Variants in PPP3CA observed in about 807,000 individuals in gnomAD.
PPP3CA encodes CAM-PRP catalytic subunit.
A neutral mutation model predicts 66.5 loss-of-function variants in PPP3CA; 14 were observed. The observed-to-expected ratio is 0.21, with a 90% CI of 0.14 to 0.33. The LOEUF (loss-of-function observed/expected upper bound fraction) is 0.33. Among genes scored for constraint, PPP3CA ranks in the 10% least tolerant of loss-of-function variants. The pLI is 1.00. For missense variants in PPP3CA, 317 were observed against 639.5 expected, an observed-to-expected ratio of 0.50 and a Z score of 5.44; for synonymous variants, 232 against 226.2, an observed-to-expected ratio of 1.03 and a Z score of -0.23.
intron 1 of PPP3CA, among the ~76,000 whole-genome samples, chr4:101,323,641 A>G (rs989551268): frequency 6.6e-6 from 1 of 152,180 alleles, no homozygotes; most frequent in Non-Finnish European, 1.5e-5. Flanking sequence ...TTTCATATAT[A>G]AGCCACCCTT....
chr4:101,040,934 T>A (rs1014174007), intron 10 of PPP3CA, among the ~76,000 whole-genome samples: 2 of 152,198 alleles, frequency 1.3e-5, no homozygotes, highest in African/African-American at 2.4e-5. Context: ...AAGAGTTAAG[T>A]ACCTTATCAC....
At chr4:101,278,278 T>C (rs887839812) in intron 1 of PPP3CA, among the ~76,000 whole-genome samples, 2 of 152,148 alleles carry the variant, frequency 1.3e-5, no homozygotes, top group African/African-American at 4.8e-5. Context: ...TAAAATATAT[T>C]CAATTTTATT....
intron 9 of PPP3CA, 24 bp downstream of exon 9, chr4:101,063,208 A>G: frequency 6.2e-7 from 1 of 1,606,316 alleles, no homozygotes; most frequent in Non-Finnish European, 8.5e-7. Context: ...TTTAAGAAGA[A>G]CATCTCAGGA....
chr4:101,115,190 T>C (rs1721802291), intron 2 of PPP3CA, among the ~76,000 whole-genome samples: 1 of 152,010 alleles, frequency 6.6e-6, no homozygotes, highest in Admixed American at 6.6e-5. Flanking sequence ...ATACACAAAC[T>C]GAACAATGAA....
At chr4:101,188,202 A>G (rs1330018168) in intron 2 of PPP3CA, among the ~76,000 whole-genome samples, 2 of 152,176 alleles carry the variant, frequency 1.3e-5, no homozygotes, top group African/African-American at 4.8e-5. Flanking sequence ...CAATAATACT[A>G]TCTTGAATAT....
chr4:101,291,544 A>G (rs1728028040), intron 1 of PPP3CA, among the ~76,000 whole-genome samples: 1 of 152,224 alleles, frequency 6.6e-6, no homozygotes, highest in Non-Finnish European at 1.5e-5. Context: ...GCATTCACGA[A>G]TTAATCCCTG....
intron 1 of PPP3CA, among the ~76,000 whole-genome samples, chr4:101,215,477 T>C (rs1323696678): frequency 6.6e-6 from 1 of 152,072 alleles, no homozygotes; most frequent in African/African-American, 2.4e-5. Context: ...GCGAAAGTTT[T>C]CTATTTTTTT....
At chr4:101,144,280 T>C (rs1477139002) in intron 2 of PPP3CA, among the ~76,000 whole-genome samples, 1 of 152,194 alleles carries the variant, frequency 6.6e-6, no homozygotes, top group Admixed American at 6.5e-5. Context: ...CTTTGGAATA[T>C]ACGTATATAC....
intron 13 of PPP3CA, among the ~76,000 whole-genome samples, chr4:101,026,450 T>A (rs1726654856): frequency 6.6e-6 from 1 of 152,168 alleles, no homozygotes; most frequent in South Asian, 2.1e-4. Context: ...CTAGACAGGC[T>A]GCAGCATGTC....
chr4:101,183,296 A>C (rs1305347753), intron 2 of PPP3CA, among the ~76,000 whole-genome samples: 1 of 152,106 alleles, frequency 6.6e-6, no homozygotes, highest in East Asian at 1.9e-4. Flanking sequence ...AAGAAGGGGA[A>C]AGGGAAGCAA....
chr4:101,106,744 C>G (rs1323814201), intron 3 of PPP3CA, among the ~76,000 whole-genome samples: 1 of 152,046 alleles, frequency 6.6e-6, no homozygotes, highest in Non-Finnish European at 1.5e-5. Context: ...TCTCCCTTTC[C>G]TCCTTGTTGA....
intron 1 of PPP3CA, among the ~76,000 whole-genome samples, chr4:101,290,373 C>T (rs1231630474): frequency 6.6e-6 from 1 of 152,170 alleles, no homozygotes; most frequent in Admixed American, 6.5e-5. Flanking sequence ...CACATTAAAC[C>T]ACCCTTCACA....
At chr4:101,103,002 C>T (rs1178998793) in intron 3 of PPP3CA, among the ~76,000 whole-genome samples, 1 of 152,024 alleles carries the variant, frequency 6.6e-6, no homozygotes, top group African/African-American at 2.4e-5. Context: ...GATGGAGCAT[C>T]CTCTATTTTT....
intron 1 of PPP3CA, among the ~76,000 whole-genome samples, chr4:101,311,414 G>C (rs1372660364): frequency 6.6e-6 from 1 of 152,128 alleles, no homozygotes; most frequent in African/African-American, 2.4e-5. Context: ...GAAGTCTGTA[G>C]CTATTTGTTA....
At chr4:101,165,303 G>T (rs1158651276) in intron 2 of PPP3CA, among the ~76,000 whole-genome samples, 2 of 152,036 alleles carry the variant, frequency 1.3e-5, no homozygotes, top group Admixed American at 6.6e-5. Context: ...CTTCCATAAA[G>T]GCAGTCTTTT....
At chr4:101,151,118 T>G (rs1723122257) in intron 2 of PPP3CA, among the ~76,000 whole-genome samples, 1 of 152,238 alleles carries the variant, frequency 6.6e-6, no homozygotes. Context: ...CATTGACAGC[T>G]TTTTATAAAG....
intron 2 of PPP3CA, among the ~76,000 whole-genome samples, chr4:101,151,161 C>T (rs765069641): frequency 8.5e-5 from 13 of 152,144 alleles, no homozygotes; most frequent in Non-Finnish European, 1.5e-4. Flanking sequence ...AGACCGTGAC[C>T]ATGGACCTTC....
chr4:101,141,894 C>T (rs1722819907), intron 2 of PPP3CA, among the ~76,000 whole-genome samples: 1 of 152,132 alleles, frequency 6.6e-6, no homozygotes, highest in Admixed American at 6.5e-5. Flanking sequence ...GATACAAAGG[C>T]TGAACTTACA....
intron 10 of PPP3CA, among the ~76,000 whole-genome samples, chr4:101,053,083 T>C (rs1001598441): frequency 3.3e-5 from 5 of 152,226 alleles, no homozygotes; most frequent in Middle Eastern, 6.8e-3. Flanking sequence ...ACTGAATATA[T>C]GGTAAAATAT....
Sources: gnomAD v4.1 joint callset for allele counts (sites outside exome capture counted in the v4.1 genomes callset) on GRCh38, gnomAD v4.1.1 for gene constraint, MANE v1.5 for transcripts, NCBI Gene and HGNC (gene_info 2026-07-23, HGNC 2026-07-21) for gene names.